MSL2: variants seen among roughly 807,000 people sequenced by gnomAD.
The protein encoded by MSL2 is MSL complex subunit 2, also known as E3 ubiquitin-protein ligase MSL2.
A neutral mutation model predicts 35.8 loss-of-function variants in MSL2; 2 were observed. The observed-to-expected ratio is 0.06, with a 90% CI of 0.02 to 0.18. The LOEUF is 0.18. MSL2 is among the 10% of genes least tolerant of loss of function. MSL2 has a pLI of 1.00. For synonymous variants in MSL2, 296 were observed against 255.7 expected, an observed-to-expected ratio of 1.16 and a Z score of -1.50; for missense variants, 523 against 706.7, an observed-to-expected ratio of 0.74 and a Z score of 2.95.
intron 1 of MSL2, among the ~76,000 whole-genome samples, chr3:136,168,425 G>A (rs368281702): frequency 1.2e-4 from 18 of 152,064 alleles, no homozygotes; most frequent in African/African-American, 3.1e-4. Flanking sequence ...GGAATACTAC[G>A]CAGCCATAAA....
intron 1 of MSL2, among the ~76,000 whole-genome samples, chr3:136,178,776 G>T (rs1191494749): frequency 6.6e-6 from 1 of 151,608 alleles, no homozygotes; most frequent in African/African-American, 2.4e-5. Context: ...GACCTCAGGT[G>T]ATCCACCCAC....
intron 1 of MSL2, among the ~76,000 whole-genome samples, chr3:136,184,245 C>T (rs1258023094): frequency 2.0e-5 from 3 of 150,986 alleles, no homozygotes; most frequent in African/African-American, 7.3e-5. Flanking sequence ...GCAGTGAACC[C>T]AGATGGTGCC....
At chr3:136,170,046 T>A (rs1332893684) in intron 1 of MSL2, among the ~76,000 whole-genome samples, 79 of 127,270 alleles carry the variant, frequency 6.2e-4, no homozygotes, top group African/African-American at 2.3e-3. Flanking sequence ...GAGACTCCAT[T>A]AAAAAAAAAA....
intron 1 of MSL2, among the ~76,000 whole-genome samples, chr3:136,160,820 G>A (rs548537235): frequency 6.6e-6 from 1 of 152,208 alleles, no homozygotes; most frequent in South Asian, 2.1e-4. Context: ...CGGGCACAGT[G>A]GCTCACACCA....
In MSL2 at chr3:136,180,771, AGGGAGGGAG is replaced by A. The variant is rs1940322274; in HGVS notation, c.142+14192_142+14200del. ...GAGGGAAGGAGGGAAGGAGGGAGGG[AGGGAGGGAG>A]GGAGGGAGGGAGGGAGGGAGGGAGG... On this transcript the variant is annotated intron_variant, in intron 1 of 1. Coordinates refer to ENST00000309993, the MANE Select transcript of MSL2 (RefSeq NM_018133.4). Among the ~76,000 whole-genome samples, 4 of 39,468 alleles carry A rather than the reference AGGGAGGGAG, an allele frequency of 1.0e-4. No individual in the cohort carries two copies. In the South Asian group the frequency reaches 7.2e-3, roughly 71 times the overall value. The allele number at this position is 39,468 out of a possible 152,430, so 25.9% of individuals were successfully genotyped here.
chr3:136,180,791 AGGGAG>A (rs1559969205), intron 1 of MSL2, among the ~76,000 whole-genome samples: 2,810 of 68,256 alleles, frequency 0.041, 182 homozygotes, highest in South Asian at 0.057. Context: ...GGAGGGAGGG[AGGGAG>A]GGAGGGAGGG....
Position 136,151,408 on chromosome 3 carries a change from T to C in MSL2, c.1473A>G (p.Leu491=), listed in dbSNP as rs1358798479. The part of the protein sequence containing the change: ...CPCYSNRKAC[L]DCICRGCQNS... ...TTTGGCAGCCACGACATATACAATC[T>C]AAGCAGGCTTTGCGGTTAGAGTAGC... The change falls in exon 2 of 2, where the codon TTA becomes TTG. Residue 491 remains leucine, a synonymous_variant. Transcript: ENST00000309993. This position sits in a 1 kb window ranked among gnomAD's most constrained non-coding sequence, Gnocchi z 5.2. 2 of 1,614,066 alleles carry C rather than the reference T, an allele frequency of 1.2e-6. No homozygotes were observed. The highest frequency in any genetic ancestry group is 1.7e-6 in the Non-Finnish European group (2 of 1,180,028).
At chr3:136,168,261 A>G (rs960371154) in intron 1 of MSL2, among the ~76,000 whole-genome samples, 5 of 152,222 alleles carry the variant, frequency 3.3e-5, no homozygotes, top group Non-Finnish European at 5.9e-5. Context: ...AAAAGAATTA[A>G]AAATGACAAA....
chr3:136,194,316 A>T (rs556295032), intron 1 of MSL2: 3 of 730,386 alleles, frequency 4.1e-6, no homozygotes, highest in East Asian at 2.6e-4. Context: ...TTTTTTTAAC[A>T]AAAACATCTA....
intron 1 of MSL2, among the ~76,000 whole-genome samples, chr3:136,188,292 G>A (rs1940579356): frequency 6.6e-6 from 1 of 152,098 alleles, no homozygotes; most frequent in Admixed American, 6.6e-5. Context: ...TAATTAGCTA[G>A]GCGTGGTGGG....
intron 1 of MSL2, among the ~76,000 whole-genome samples, chr3:136,193,741 G>A (rs1426272048): frequency 1.3e-5 from 2 of 152,046 alleles, no homozygotes; most frequent in South Asian, 2.1e-4. Flanking sequence ...TGAGGCCCAG[G>A]GCAGTTAGGT....
intron 1 of MSL2, among the ~76,000 whole-genome samples, chr3:136,180,799 AGGGAG>A (rs1559969264): frequency 1.7e-3 from 126 of 74,314 alleles, no homozygotes; most frequent in African/African-American, 4.6e-3. Context: ...GGAGGGAGGG[AGGGAG>A]GGAGGGAAGG....
intron 1 of MSL2, among the ~76,000 whole-genome samples, chr3:136,175,920 T>C (rs1355508742): frequency 6.6e-6 from 1 of 152,060 alleles, no homozygotes; most frequent in Non-Finnish European, 1.5e-5. Flanking sequence ...TGCCATCACT[T>C]AGCAAGGCAT....
intron 1 of MSL2, among the ~76,000 whole-genome samples, chr3:136,155,155 G>A (rs1328410240): frequency 6.6e-6 from 1 of 151,806 alleles, no homozygotes; most frequent in East Asian, 1.9e-4. Flanking sequence ...GTTGCAATGA[G>A]CTGAGTATGG....
At chr3:136,168,047 A>G (rs991923847) in intron 1 of MSL2, among the ~76,000 whole-genome samples, 2 of 152,164 alleles carry the variant, frequency 1.3e-5, no homozygotes, top group East Asian at 3.8e-4. Context: ...ACCCACACCA[A>G]AAACAGGAAT....
Position 136,175,720 on chromosome 3 carries a change from G to A in MSL2, c.142+19252C>T, listed in dbSNP as rs373090135. Among the ~76,000 whole-genome samples, 19 of 152,218 alleles carry A rather than the reference G, an allele frequency of 1.2e-4. No homozygotes were observed. In the East Asian group the frequency reaches 2.5e-3, roughly 20 times the overall value. On this transcript the variant is annotated intron_variant, in intron 1 of 1. Transcript: ENST00000309993. ...ACAACAACAAGTCTGAGATAGGGCC[G>A]GAACAATAACCGTTTCATAATCAAT...
chr3:136,161,479 T>C (rs1034811591), intron 1 of MSL2, among the ~76,000 whole-genome samples: 4 of 152,186 alleles, frequency 2.6e-5, no homozygotes. Context: ...GTCCATTAAT[T>C]GGTGAGTAGA....
intron 1 of MSL2, among the ~76,000 whole-genome samples, chr3:136,171,440 A>G (rs1434650112): frequency 1.3e-5 from 2 of 152,208 alleles, no homozygotes; most frequent in Non-Finnish European, 2.9e-5. Context: ...CTGGAGGCAC[A>G]CTACTCACAA....
intron 1 of MSL2, among the ~76,000 whole-genome samples, chr3:136,168,597 A>T (rs964903917): frequency 6.6e-6 from 1 of 152,088 alleles, no homozygotes; most frequent in Non-Finnish European, 1.5e-5. Flanking sequence ...AACATCACAC[A>T]TCTGAGCCTG....
Sources: allele counts gnomAD v4.1 joint callset (sites outside exome capture counted in the v4.1 genomes callset), GRCh38; gene constraint gnomAD v4.1.1; non-coding constraint Gnocchi (gnomAD v3.1); transcripts MANE v1.5; gene names NCBI Gene and HGNC (gene_info 2026-07-23, HGNC 2026-07-21).